Variants in MPHOSPH9 observed in about 807,000 individuals in gnomAD.
MPHOSPH9 encodes the protein M-phase phosphoprotein 9.
MPHOSPH9 carries 88 observed loss-of-function variants against 145.5 expected under a neutral mutation model. The ratio of observed to expected loss-of-function variants is 0.60; its 90% CI spans 0.51 to 0.72. The LOEUF is 0.72. Ranked by LOEUF, MPHOSPH9 falls within the 30% of genes least tolerant of loss-of-function variation. MPHOSPH9 has a pLI of 0.00. For missense variants in MPHOSPH9, 1,238 were observed against 1,386.6 expected (o/e 0.89, Z 1.70); for synonymous variants, 435 against 486.2 (o/e 0.89, Z 1.39).
At chr12:123,207,288 T>C (rs1035313175) in intron 8 of MPHOSPH9, among the ~76,000 whole-genome samples, 3 of 152,004 alleles carry the variant, frequency 2.0e-5, no homozygotes, top group Non-Finnish European at 4.4e-5. Context: ...CAAGATCAGA[T>C]AACACTGTGA....
chr12:123,161,504 T>A, intron 21 of MPHOSPH9, 121 bp from the exon 22 acceptor site: 2 of 1,007,302 alleles, frequency 2.0e-6, no homozygotes, highest in Non-Finnish European at 2.9e-6. Flanking sequence ...CCCAAAAAAG[T>A]AATGAAAAGA....
intron 3 of MPHOSPH9, chr12:123,226,208 CTG>C: frequency 2.1e-6 from 1 of 469,714 alleles, no homozygotes; most frequent in South Asian, 6.4e-5. Flanking sequence ...AGTATAAAAA[CTG>C]AAAACTCAAT....
chr12:123,230,030 CA>C, intron 2 of MPHOSPH9: 1 of 292,556 alleles, frequency 3.4e-6, no homozygotes. Context: ...CCATGTTAGC[CA>C]GGCTGGTCTC....
intron 9 of MPHOSPH9, 27 bp from the exon 10 acceptor site, chr12:123,203,111 T>C: frequency 3.7e-6 from 6 of 1,600,340 alleles, no homozygotes; most frequent in Non-Finnish European, 5.1e-6. Flanking sequence ...AACGAAGTCT[T>C]ACCCTCAGAA....
intron 22 of MPHOSPH9, 90 bp from the exon 23 acceptor site, chr12:123,160,939 C>A: frequency 7.0e-7 from 1 of 1,431,534 alleles, no homozygotes. Flanking sequence ...TTAGTATTTC[C>A]TTGTCCATTT....
chr12:123,214,520 G>T (rs1370345687), intron 7 of MPHOSPH9, among the ~76,000 whole-genome samples: 1 of 152,160 alleles, frequency 6.6e-6, no homozygotes, highest in Non-Finnish European at 1.5e-5. Flanking sequence ...CTGGGTGACA[G>T]AGTGAGACCC....
At position 123,202,712 on chromosome 12, in the gene MPHOSPH9, C is replaced by G; in HGVS notation, c.1693G>C (p.Val565Leu). Residue 565 changes from valine to leucine, a missense_variant, in exon 10 of 24, where the codon GTC (valine) becomes CTC (leucine). Physicochemically the swap from Val to Leu is conservative, Grantham distance 32. Coordinates refer to ENST00000606320, the MANE Select transcript of MPHOSPH9 (RefSeq NM_022782.4). ...ENTVMVASASVSQSQLPGTAN... is the reference protein window; with the variant it reads ...ENTVMVASASLSQSQLPGTAN... The stretch of plus-strand genomic sequence containing the variant: ...GTACCTGGAAGCTGGGACTGACTGA[C>G]TGAGGCCGAAGCAACCATGACAGTG... 1.9e-6 allele frequency: 3 copies of G among 1,614,188 alleles called. No individual in the cohort carries two copies. The highest frequency in any genetic ancestry group is 2.5e-6 in the Non-Finnish European group (3 of 1,180,042).
Position 123,176,791 on chromosome 12 carries a change from T to A in MPHOSPH9, c.2355-2A>T. ...TGAGCTTCAAGTTTTGAAATCATTC[T>A]AATTCAAAAGCAATAAAGATAAATT... is the stretch of plus-strand genomic sequence containing the variant. On this transcript the variant is annotated splice_acceptor_variant, in intron 15 of 23. Transcript: ENST00000606320. LOFTEE classifies it high-confidence loss of function. 2 of 1,594,974 alleles carry A rather than the reference T, an allele frequency of 1.3e-6. No homozygotes were observed. The highest frequency in any genetic ancestry group is 2.2e-5 in the South Asian group (2 of 90,700).
chr12:123,192,614 G>GAGGGATTGTCT (rs2045730638), intron 13 of MPHOSPH9, among the ~76,000 whole-genome samples: 2 of 100,930 alleles, frequency 2.0e-5, no homozygotes, highest in African/African-American at 4.1e-5. Context: ...GGGCAACAGA[G>GAGGGATTGTCT]TGAGACACCG....
chr12:123,194,654 C>T (rs1220459815), intron 12 of MPHOSPH9, 53 bp from the exon 13 acceptor site: 17 of 1,293,028 alleles, frequency 1.3e-5, no homozygotes, highest in Middle Eastern at 5.4e-4. Flanking sequence ...TGGAGTCTCG[C>T]TCTGTTGCCC....
At chr12:123,211,474 C>A (rs1296826211) in intron 7 of MPHOSPH9, among the ~76,000 whole-genome samples, 16 of 151,558 alleles carry the variant, frequency 1.1e-4, no homozygotes, top group Admixed American at 5.9e-4. Flanking sequence ...TGTCTTAGCC[C>A]CACAAGAAGC....
intron 13 of MPHOSPH9, 102 bp from the exon 14 acceptor site, chr12:123,181,312 C>A: frequency 2.2e-6 from 2 of 922,040 alleles, no homozygotes; most frequent in Non-Finnish European, 1.7e-6. Flanking sequence ...TCAAAAATGC[C>A]AATGTCATGA....
chr12:123,203,152 G>A, intron 9 of MPHOSPH9, 68 bp from the exon 10 acceptor site: 2 of 1,588,778 alleles, frequency 1.3e-6, no homozygotes, highest in Non-Finnish European at 1.7e-6. Flanking sequence ...TTTGAAGTGA[G>A]TAGGCTTTAG....
upstream of MPHOSPH9, among the ~76,000 whole-genome samples, chr12:123,237,334 A>G (rs2138742671): frequency 6.6e-6 from 1 of 152,122 alleles, no homozygotes; most frequent in South Asian, 2.1e-4. Context: ...GGAGGCTGAG[A>G]CAGGAGAATC....
chr12:123,230,385 T>G lies in MPHOSPH9; in HGVS notation c.-21A>C, dbSNP rs777597690. The G allele has an allele frequency of 1.5e-5, 21 of 1,411,448 alleles. No homozygotes were observed. Among genetic ancestry groups the G allele is most frequent in the South Asian group, 7.7e-5 (6 of 77,700 alleles). 87.4% of individuals were successfully genotyped at this position (1,411,448 alleles called of 1,614,324 possible). A position where few individuals can be genotyped will look rare whatever the true frequency, so the allele number is the denominator to read the frequency against. ...TCCATAGTGTACAGAAATTGTTATATTCTCTTATTGGAAAATAAAGGTTCT... is the reference window on the plus strand; with the variant it reads ...TCCATAGTGTACAGAAATTGTTATAGTCTCTTATTGGAAAATAAAGGTTCT... On this transcript the variant is annotated 5_prime_UTR_variant, in exon 2 of 24. Coordinates refer to ENST00000606320, the MANE Select transcript of MPHOSPH9 (RefSeq NM_022782.4).
At position 123,197,316 on chromosome 12, in the gene MPHOSPH9, G is replaced by A. The variant is rs1412809351; in HGVS notation, c.2025+931C>T. Among the ~76,000 whole-genome samples the A allele has an allele frequency of 2.0e-5, 3 of 151,626 alleles. No individual in the cohort carries two copies. In the East Asian group the frequency reaches 5.9e-4, roughly 30 times the overall value. On this transcript the variant is annotated intron_variant, in intron 12 of 23. Coordinates refer to ENST00000606320, the MANE Select transcript of MPHOSPH9 (RefSeq NM_022782.4). ...CCTGCCTCAGTCTCCCGAGTAGCTG[G>A]GACCACAGCTGTGCACCACCATGCC...
At chr12:123,171,415 T>C (rs990604085) in intron 16 of MPHOSPH9, among the ~76,000 whole-genome samples, 8 of 151,162 alleles carry the variant, frequency 5.3e-5, no homozygotes, top group African/African-American at 9.7e-5. Flanking sequence ...ATTGTGCCAT[T>C]GCACTCCAGC....
At chr12:123,200,989 T>TA (rs1205872552) in intron 11 of MPHOSPH9, among the ~76,000 whole-genome samples, 1 of 152,062 alleles carries the variant, frequency 6.6e-6, no homozygotes, top group Non-Finnish European at 1.5e-5. Context: ...AAAACAATAA[T>TA]AAAAAAACCA....
chr12:123,162,814 A>G, intron 20 of MPHOSPH9, 200 bp downstream of exon 20: 2 of 461,532 alleles, frequency 4.3e-6, no homozygotes, highest in Non-Finnish European at 7.3e-6. Context: ...ATCTAGTAGT[A>G]GCAAGTTTAC....
Sources: gnomAD v4.1 joint callset for allele counts (sites outside exome capture counted in the v4.1 genomes callset) on GRCh38, gnomAD v4.1.1 for gene constraint, MANE v1.5 for transcripts, NCBI Gene and HGNC (gene_info 2026-07-23, HGNC 2026-07-21) for gene names.